CWC22: variants seen among roughly 807,000 people sequenced by gnomAD.
The protein encoded by CWC22 is pre-mRNA-splicing factor CWC22 homolog.
A neutral mutation model predicts 117.2 loss-of-function variants in CWC22; 53 were observed. The ratio of observed to expected loss-of-function variants is 0.45; its 90% confidence interval spans 0.36 to 0.57. The LOEUF (loss-of-function observed/expected upper bound fraction) is 0.57. Ranked by LOEUF, CWC22 falls within the 20% of genes least tolerant of loss-of-function variation. The pLI is 0.00. For missense variants in CWC22, 980 were observed against 1,068.8 expected, an observed-to-expected ratio of 0.92 and a Z score of 1.16; for synonymous variants, 360 against 355.6, an observed-to-expected ratio of 1.01 and a Z score of -0.14.
chr2:179,970,357 C>A, intron 11 of CWC22, 144 bp downstream of exon 11: 1 of 887,860 alleles, frequency 1.1e-6, no homozygotes, highest in Non-Finnish European at 1.6e-6. Context: ...AAAAATAATG[C>A]CCGAGGAAAC....
At chr2:179,969,351 T>C (rs1686973807) in intron 11 of CWC22, among the ~76,000 whole-genome samples, 1 of 152,224 alleles carries the variant, frequency 6.6e-6, no homozygotes, top group African/African-American at 2.4e-5. Flanking sequence ...GAAAAGCTCC[T>C]AGGAAATCAG....
chr2:179,953,424 T>C (rs1417775014), intron 16 of CWC22, among the ~76,000 whole-genome samples: 2 of 152,122 alleles, frequency 1.3e-5, no homozygotes, highest in African/African-American at 4.8e-5. Flanking sequence ...TTCAAATTCC[T>C]TTAGTAATTT....
chr2:179,947,702 G>A (rs1434276845), intron 19 of CWC22, among the ~76,000 whole-genome samples: 1 of 152,064 alleles, frequency 6.6e-6, no homozygotes, highest in Non-Finnish European at 1.5e-5. Flanking sequence ...AAAAGTTCCT[G>A]TAAGCAAACA....
At chr2:179,964,512 A>AC in intron 13 of CWC22, 35 bp downstream of exon 13, 1 of 1,257,204 alleles carries the variant, frequency 8.0e-7, no homozygotes, top group South Asian at 1.3e-5. Flanking sequence ...CTTATCAAAA[A>AC]CAAAAAAAGG....
At chr2:179,996,254 C>A (rs1317785331) in intron 1 of CWC22, among the ~76,000 whole-genome samples, 2 of 152,086 alleles carry the variant, frequency 1.3e-5, no homozygotes, top group African/African-American at 4.8e-5. Flanking sequence ...CTGAGATGAT[C>A]CAGATCCTGG....
chr2:179,991,071 T>C (rs1206619754), intron 2 of CWC22, among the ~76,000 whole-genome samples: 3 of 152,220 alleles, frequency 2.0e-5, no homozygotes, highest in Non-Finnish European at 4.4e-5. Flanking sequence ...ACAGTCAGAA[T>C]TACCTTTTAA....
rs1393268227 is a variant in CWC22, at chr2:179,950,690, A to G, written c.1962T>C (p.Ile654=). The stretch of plus-strand genomic sequence containing the variant: ...GCTCAACATCTGGTTTCTGCGCCAC[A>G]ATGACCTTTGGTGTATTTTTGAGAT... ...REHLKNTPKV[I]VAQKPDVEQN... is the part of the protein sequence containing the mutation. Residue 654 remains isoleucine (I), a synonymous_variant, in exon 19 of 20, where the codon ATT becomes ATC. Transcript: ENST00000410053. The G allele has an allele frequency of 1.9e-6, 3 of 1,613,612 alleles. No homozygotes were observed. The highest frequency in any genetic ancestry group is 8.5e-7 in the Non-Finnish European group (1 of 1,179,606).
Position 179,981,836 on chromosome 2 carries a change from T to A in CWC22, c.368A>T (p.Asp123Val). The change falls in exon 5 of 20, where the codon GAT becomes GTT. Residue 123 changes from aspartate to valine, a missense_variant. Transcript: ENST00000410053. ...TCCACCAGTGCGAGTAAGAAGAGGA[T>A]CCAGCTCATCTTTCTTTTTCTTTGT... ...PATKKKKDELDPLLTRTGGAY... is the reference protein window; with the variant it reads ...PATKKKKDELVPLLTRTGGAY... The A allele has an allele frequency of 6.2e-7, 1 of 1,613,792 alleles. No homozygotes were observed. Among genetic ancestry groups the A allele is most frequent in the Non-Finnish European group, 8.5e-7 (1 of 1,179,744 alleles).
rs375103827 is a variant in CWC22, at chr2:179,975,244, C to T, written c.582-1442G>A. Among the ~76,000 whole-genome samples, 32 of 152,228 alleles carry T rather than the reference C, an allele frequency of 2.1e-4. 2 individuals carry two copies. The highest frequency in any genetic ancestry group is 1.3e-3 in the Admixed American group (20 of 15,298). The stretch of plus-strand genomic sequence containing the variant: ...TTCTGCTTTTCTAAAATGTATTGCT[C>T]ATCTTTCCCATTTCTCTCACATTCC... On this transcript the variant is annotated intron_variant, in intron 6 of 19. Coordinates refer to ENST00000410053, the MANE Select transcript of CWC22 (RefSeq NM_020943.3).
At chr2:179,986,880 G>T in intron 3 of CWC22, 75 bp from the exon 4 acceptor site, 1 of 757,402 alleles carries the variant, frequency 1.3e-6, no homozygotes, top group African/African-American at 1.8e-5. Context: ...GTCATATATT[G>T]GTAATGGTAA....
chr2:179,945,080 T>C lies in CWC22; in HGVS notation c.*49A>G, dbSNP rs779428205. On this transcript the variant is annotated 3_prime_UTR_variant, in exon 20 of 20. Coordinates refer to ENST00000410053, the MANE Select transcript of CWC22 (RefSeq NM_020943.3). ...AAAGTTCGTCAAAGTAAAAAATAAT[T>C]TGTTTCAACTGAATATAAGGCATGT... 4 of 1,289,646 alleles carry C rather than the reference T, an allele frequency of 3.1e-6. No individual in the cohort carries two copies. In the African/African-American group the frequency reaches 6.0e-5, roughly 19 times the overall value. The allele number at this position is 1,289,646 out of a possible 1,614,324, so 79.9% of individuals were successfully genotyped here.
intron 1 of CWC22, among the ~76,000 whole-genome samples, chr2:179,998,758 G>A (rs1302490270): frequency 6.6e-6 from 1 of 151,812 alleles, no homozygotes; most frequent in African/African-American, 2.4e-5. Flanking sequence ...ATTTAATTTA[G>A]CATACCTAGA....
At chr2:179,953,990 G>A (rs1686521231) in intron 16 of CWC22, among the ~76,000 whole-genome samples, 1 of 152,024 alleles carries the variant, frequency 6.6e-6, no homozygotes, top group African/African-American at 2.4e-5. Context: ...TGGCATGTTT[G>A]GACTGTTAAT....
chr2:180,005,177 A>G (rs1172182158), intron 1 of CWC22, among the ~76,000 whole-genome samples: 3 of 152,198 alleles, frequency 2.0e-5, no homozygotes, highest in Non-Finnish European at 4.4e-5. Context: ...CCAATACACC[A>G]GTGTATTAGA....
At chr2:180,003,698 G>A (rs954780762) in intron 1 of CWC22, among the ~76,000 whole-genome samples, 8 of 152,128 alleles carry the variant, frequency 5.3e-5, no homozygotes, top group Non-Finnish European at 1.2e-4. Flanking sequence ...TTTTCAGGTG[G>A]AAGTGCTGAA....
intron 13 of CWC22, among the ~76,000 whole-genome samples, chr2:179,960,128 G>C (rs569239590): frequency 1.3e-5 from 2 of 151,956 alleles, no homozygotes; most frequent in South Asian, 4.1e-4. Context: ...CAAATATGAC[G>C]GTAGTAAATT....
intron 13 of CWC22, among the ~76,000 whole-genome samples, chr2:179,961,522 ATTGAT>A (rs1686749722): frequency 6.6e-6 from 1 of 152,068 alleles, no homozygotes; most frequent in South Asian, 2.1e-4. Context: ...CTAAACGGTA[ATTGAT>A]ACATTTTAAT....
chr2:179,986,925 T>C, intron 3 of CWC22, 120 bp from the exon 4 acceptor site: 2 of 497,120 alleles, frequency 4.0e-6, no homozygotes, highest in South Asian at 3.8e-5. Flanking sequence ...CGTGTCAAAC[T>C]GTTCTTAACA....
At chr2:179,973,561 GCTTA>G in intron 7 of CWC22, 69 bp downstream of exon 7, 2 of 952,236 alleles carry the variant, frequency 2.1e-6, no homozygotes, top group South Asian at 3.6e-5. Flanking sequence ...AATCAACCTT[GCTTA>G]CTTTTGTTGA....
Sources: allele counts gnomAD v4.1 joint callset (sites outside exome capture counted in the v4.1 genomes callset), GRCh38; gene constraint gnomAD v4.1.1; transcripts MANE v1.5; gene names NCBI Gene and HGNC (gene_info 2026-07-23, HGNC 2026-07-21).